The following RBFOX2 variants were observed in gnomAD, a reference collection of about 807,000 sequenced individuals.
The protein encoded by RBFOX2 is RNA binding protein fox-1 homolog 2.
RBFOX2 carries 10 observed loss-of-function variants against 49.1 expected under a neutral mutation model. The ratio of observed to expected loss-of-function variants is 0.20; its 90% CI spans 0.13 to 0.35. The LOEUF (loss-of-function observed/expected upper bound fraction) is 0.35, where lower values mean the gene tolerates loss of function less well. RBFOX2 is among the 10% of genes least tolerant of loss of function. RBFOX2 has a pLI of 1.00. For missense variants in RBFOX2, 323 were observed against 486.9 expected (o/e 0.66, Z 3.17); for synonymous variants, 183 against 187.4 (o/e 0.98, Z 0.19).
intron 9 of RBFOX2, among the ~76,000 whole-genome samples, chr22:35,756,443 A>G (rs534613597): frequency 1.5e-4 from 23 of 152,288 alleles, no homozygotes; most frequent in East Asian, 7.7e-4. Context: ...AGAGCCTATT[A>G]TATCTATCCA....
chr22:35,872,158 G>A (rs1025861305), intron 1 of RBFOX2, among the ~76,000 whole-genome samples: 1 of 152,292 alleles, frequency 6.6e-6, no homozygotes, highest in Non-Finnish European at 1.5e-5. Context: ...CTTAGAATTC[G>A]ACATGTTAAT....
At chr22:35,843,968 G>A (rs138828140), upstream of RBFOX2, among the ~76,000 whole-genome samples, 868 of 152,296 alleles carry the variant, frequency 5.7e-3, 4 homozygotes, top group African/African-American at 0.02. Context: ...CAGTTACCAA[G>A]AATTTACCCT....
chr22:35,887,231 G>T (rs775127264), intron 1 of RBFOX2, among the ~76,000 whole-genome samples: 2 of 151,942 alleles, frequency 1.3e-5, no homozygotes, highest in Non-Finnish European at 2.9e-5. Context: ...TAGCATTCAT[G>T]CGTAAGCCTT....
chr22:35,948,038 C>T lies in RBFOX2; in HGVS notation c.43-9141G>A, dbSNP rs560967127. ...ATTCTCCAGGCTGCATTCACAAGTG[C>T]CCTATACCTGTGTATCATTTTTATC... On this transcript the variant is annotated intron_variant, in intron 1 of 5. Coordinates refer to the RBFOX2 transcript ENST00000408983. Among the ~76,000 whole-genome samples the T allele has an allele frequency of 2.0e-5, 3 of 152,292 alleles. No individual in the cohort carries two copies. The South Asian group carries it at 6.2e-4, about 32-fold the overall frequency.
intron 1 of RBFOX2, among the ~76,000 whole-genome samples, chr22:35,829,642 T>C (rs1237284580): frequency 1.3e-5 from 2 of 152,176 alleles, no homozygotes; most frequent in East Asian, 1.9e-4. Flanking sequence ...GGTTAGGATC[T>C]GCTATATATC....
intron 6 of RBFOX2, 64 bp from the exon 8 acceptor site, chr22:35,761,532 T>C (rs1224722496): frequency 6.4e-7 from 1 of 1,572,164 alleles, no homozygotes; most frequent in Non-Finnish European, 8.7e-7. Flanking sequence ...GATCAGTGCA[T>C]GTCAAGTTGG....
At chr22:35,969,517 T>C (rs575106950) in intron 1 of RBFOX2, among the ~76,000 whole-genome samples, 32 of 152,200 alleles carry the variant, frequency 2.1e-4, no homozygotes, top group Middle Eastern at 6.8e-3. Context: ...GAGGTTGCAG[T>C]GAGCCGAGAT....
chr22:35,792,618 G>A (rs796500772), intron 2 of RBFOX2, among the ~76,000 whole-genome samples: 3 of 152,216 alleles, frequency 2.0e-5, no homozygotes, highest in African/African-American at 7.2e-5. Flanking sequence ...TAGGCGGAAG[G>A]AACTATTATC....
intron 2 of RBFOX2, among the ~76,000 whole-genome samples, chr22:35,804,005 C>A (rs1463263804): frequency 1.3e-5 from 2 of 152,186 alleles, no homozygotes; most frequent in African/African-American, 4.8e-5. Context: ...GTTGGCTGGG[C>A]GCAGTGGCTC....
At chr22:35,825,026 C>G (rs1955347420) in intron 1 of RBFOX2, among the ~76,000 whole-genome samples, 1 of 152,176 alleles carries the variant, frequency 6.6e-6, no homozygotes. Flanking sequence ...TCCAGACCAG[C>G]CTGGCCAATA....
chr22:35,788,446 T>C (rs1946887177), intron 2 of RBFOX2, among the ~76,000 whole-genome samples: 1 of 152,322 alleles, frequency 6.6e-6, no homozygotes, highest in Non-Finnish European at 1.5e-5. Flanking sequence ...TCTTTGAGGC[T>C]AACAGAGAAA....
chr22:35,986,078 C>A (rs937937997), intron 1 of RBFOX2, among the ~76,000 whole-genome samples: 2 of 152,194 alleles, frequency 1.3e-5, no homozygotes, highest in East Asian at 1.9e-4. Flanking sequence ...GCAGCCAGTC[C>A]GCTATATTTT....
chr22:35,960,115 C>G (rs2056037635), intron 1 of RBFOX2, among the ~76,000 whole-genome samples: 1 of 152,176 alleles, frequency 6.6e-6, no homozygotes, highest in Non-Finnish European at 1.5e-5. Flanking sequence ...ACAGGGACTA[C>G]TGAGCTATAC....
At chr22:35,834,804 C>T (rs118101428) in intron 1 of RBFOX2, among the ~76,000 whole-genome samples, 2,946 of 152,184 alleles carry the variant, frequency 0.019, 46 homozygotes, top group Non-Finnish European at 0.028. Context: ...CAGCCAGGTT[C>T]CTGATCATGC....
intron 1 of RBFOX2, among the ~76,000 whole-genome samples, chr22:36,014,279 C>A (rs1012100696): frequency 1.2e-4 from 18 of 152,006 alleles, no homozygotes; most frequent in Non-Finnish European, 2.2e-4. Context: ...CCCGCCACCA[C>A]GCCCAGCTAA....
intron 1 of RBFOX2, among the ~76,000 whole-genome samples, chr22:35,883,386 C>T (rs187218337): frequency 5.3e-5 from 8 of 152,308 alleles, no homozygotes; most frequent in Non-Finnish European, 1.0e-4. Context: ...GGCTAGAAGC[C>T]CTATTGTTTG....
intron 1 of RBFOX2, chr22:36,000,005 A>ATATATATATAT (rs10625815): frequency 8.4e-6 from 1 of 118,984 alleles, no homozygotes; most frequent in East Asian, 2.2e-4. Flanking sequence ...ATATATATAT[A>ATATATATATAT]TTTTTTTTTT....
Position 35,759,022 on chromosome 22 carries a change from TGAAGA to T in RBFOX2, c.887+861_887+865del, listed in dbSNP as rs1384759720. On this transcript the variant is annotated intron_variant, in intron 9 of 11. Coordinates refer to ENST00000405409, the Ensembl canonical transcript of RBFOX2. The surrounding 1 kb of genome is among the most constrained non-coding windows in gnomAD (Gnocchi z 4.6). ...TTGACATTATCTGGCAGAGAAAAGG[TGAAGA>T]GAAATGTCACATCTTTGATGAGGAA... is the stretch of plus-strand genomic sequence containing the variant. Among the ~76,000 whole-genome samples, 5 of 151,998 alleles carry T rather than the reference TGAAGA, an allele frequency of 3.3e-5. No individual in the cohort carries two copies. Among genetic ancestry groups the T allele is most frequent in the African/African-American group, 1.2e-4 (5 of 41,360 alleles).
At chr22:35,855,584 T>A (rs1470027123) in intron 1 of RBFOX2, among the ~76,000 whole-genome samples, 1 of 152,066 alleles carries the variant, frequency 6.6e-6, no homozygotes, top group African/African-American at 2.4e-5. Context: ...TTTTTCAACT[T>A]TTTTTGTAGA....
Sources: gnomAD v4.1 joint callset for allele counts (sites outside exome capture counted in the v4.1 genomes callset) on GRCh38, gnomAD v4.1.1 for gene constraint, Gnocchi (gnomAD v3.1) non-coding constraint, MANE v1.5 for transcripts, NCBI Gene and HGNC (gene_info 2026-07-23, HGNC 2026-07-21) for gene names.